LRRC71: variants seen among roughly 807,000 people sequenced by gnomAD.
LRRC71 encodes leucine rich repeat containing 71, also known as leucine-rich repeat-containing protein 71.
Under a neutral mutation model 66.6 loss-of-function variants are expected in LRRC71, and 54 were observed. The observed-to-expected ratio is 0.81, with a 90% CI of 0.65 to 1.02. LRRC71 has a LOEUF of 1.02. LRRC71 is among the 50% of genes least tolerant of loss of function. The probability of loss-of-function intolerance (pLI) is 0.00; values close to 1 mark genes in which losing one functional copy is unlikely to be tolerated. For missense variants in LRRC71, 724 were observed against 718.0 expected (o/e 1.01, Z -0.10); for synonymous variants, 323 against 303.9 (o/e 1.06, Z -0.65).
In LRRC71 at chr1:156,924,932, C is replaced by T. The variant is rs374031448; in HGVS notation, c.516-6C>T. ...TCTGTGTTTCTGCACTTCCCGCCCA[C>T]GACAGCTTGTGGAAGGTGGGGCTGA... On this transcript the variant is annotated splice_region_variant and splice_polypyrimidine_tract_variant and intron_variant, in intron 4 of 14. Coordinates refer to ENST00000337428, the MANE Select transcript of LRRC71 (RefSeq NM_144702.3). 3.9e-6 allele frequency: 6 copies of T among 1,551,664 alleles called. No homozygotes were observed. The East Asian group carries it at 1.5e-4, about 38-fold the overall frequency.
rs1408209635 is a variant in LRRC71 at position 156,929,158 on chromosome 1, G to C, written c.997-122G>C. 2.6e-6 allele frequency: 3 copies of C among 1,147,616 alleles called. No individual in the cohort carries two copies. The African/African-American group carries it at 4.7e-5, about 18-fold the overall frequency. 71.1% of individuals were successfully genotyped at this position (1,147,616 alleles called of 1,614,324 possible). A position where few individuals can be genotyped will look rare whatever the true frequency, so the allele number is the denominator to read the frequency against. On this transcript the variant is annotated intron_variant, in intron 9 of 14. Transcript: ENST00000337428. ...AATTATTTTAGCATTTAGGCAGGGA[G>C]GTGGGTGGGAGGGTGCTGTCAGCTC... is the stretch of plus-strand genomic sequence containing the variant.
chr1:156,927,706 G>A (rs1231429823), intron 7 of LRRC71, 27 bp from the exon 8 acceptor site: 16 of 1,605,724 alleles, frequency 1.0e-5, no homozygotes, highest in East Asian at 2.2e-5. Flanking sequence ...GGCTTGGGCG[G>A]CTCACGCGTC....
chr1:156,932,182 C>A, intron 13 of LRRC71, 155 bp downstream of exon 13: 1 of 703,554 alleles, frequency 1.4e-6, no homozygotes, highest in Non-Finnish European at 2.4e-6. Flanking sequence ...CTGGAGGGGC[C>A]AGAGGAAGTG....
intron 5 of LRRC71, among the ~76,000 whole-genome samples, chr1:156,926,196 C>G (rs1383164395): frequency 1.3e-5 from 2 of 152,176 alleles, no homozygotes; most frequent in Non-Finnish European, 2.9e-5. Context: ...CAAATTAACC[C>G]CAAGATTCAG....
chr1:156,926,252 T>C (rs561997087), intron 5 of LRRC71, among the ~76,000 whole-genome samples: 1 of 152,352 alleles, frequency 6.6e-6, no homozygotes, highest in Admixed American at 6.5e-5. Flanking sequence ...TGCTGTGAGA[T>C]GACCTGGGGG....
At chr1:156,938,324 G>T in the LRRC71 span, 11 of 1,148,514 alleles carry the variant, frequency 9.6e-6, no homozygotes, top group South Asian at 1.6e-4. Context: ...GCTTGTGGGT[G>T]TGTGTGTGAC....
At chr1:156,932,782 ATTT>A (rs11415803) in intron 14 of LRRC71, 68 bp from the exon 15 acceptor site, 8 of 1,179,944 alleles carry the variant, frequency 6.8e-6, no homozygotes, top group Non-Finnish European at 8.2e-6. Flanking sequence ...CCCCAGGACC[ATTT>A]TTTTTTTTCT....
chr1:156,930,905 C>CCCCAGAGG (rs1654267059), intron 12 of LRRC71, among the ~76,000 whole-genome samples: 3 of 152,236 alleles, frequency 2.0e-5, no homozygotes, highest in African/African-American at 7.2e-5. Flanking sequence ...CAGGCTACTT[C>CCCCAGAGG]CCCAGAGGCC....
At chr1:156,927,078 T>C in intron 5 of LRRC71, 124 bp from the exon 6 acceptor site, 2 of 774,204 alleles carry the variant, frequency 2.6e-6, no homozygotes, top group Non-Finnish European at 2.1e-6. Context: ...TTTCCTATAT[T>C]GGGGGGGCAA....
Position 156,929,498 on chromosome 1 carries a change from G to C in LRRC71, c.1146+69G>C, listed in dbSNP as rs186255976. Reference sequence around the variant, plus strand: ...GGAGGGGGCTTCCATCATGTACAGAGGTGGTGGAGGGAAGAAGGCCACATG... The same window carrying C: ...GGAGGGGGCTTCCATCATGTACAGACGTGGTGGAGGGAAGAAGGCCACATG... On this transcript the variant is annotated intron_variant, in intron 10 of 14. Coordinates refer to ENST00000337428, the MANE Select transcript of LRRC71 (RefSeq NM_144702.3). 6 of 1,598,074 alleles carry C rather than the reference G, an allele frequency of 3.8e-6. No homozygotes were observed. In the East Asian group the frequency reaches 1.1e-4, roughly 30 times the overall value.
chr1:156,924,964 A>G lies in LRRC71; in HGVS notation c.542A>G (p.Lys181Arg), dbSNP rs111472379. ...TTGTGGAAGGTGGGGCTGACCGATAAGACCCTGACCACCTTCATCGAGCTC... is the reference window on the plus strand; with the variant it reads ...TTGTGGAAGGTGGGGCTGACCGATAGGACCCTGACCACCTTCATCGAGCTC... ...INLWKVGLTDKTLTTFIELLP... is the reference protein window; with the variant it reads ...INLWKVGLTDRTLTTFIELLP... The change falls in exon 5 of 15, where the codon AAG (lysine) becomes AGG (arginine). Residue 181 changes from lysine (K) to arginine (R), a missense_variant. Physicochemically the swap from Lys to Arg is conservative, Grantham distance 26. Transcript: ENST00000337428. 11 of 1,551,670 alleles carry G rather than the reference A, an allele frequency of 7.1e-6. No individual in the cohort carries two copies. Among genetic ancestry groups the G allele is most frequent in the African/African-American group, 4.1e-5 (3 of 73,138 alleles).
the LRRC71 span, chr1:156,939,831 C>T: frequency 5.0e-6 from 8 of 1,613,164 alleles, no homozygotes; most frequent in South Asian, 7.7e-5. Context: ...TCAGGTCGTC[C>T]TCGGGCTCCT....
intron 12 of LRRC71, 107 bp downstream of exon 12, chr1:156,930,724 C>A: frequency 9.6e-7 from 1 of 1,037,186 alleles, no homozygotes; most frequent in Non-Finnish European, 1.4e-6. Flanking sequence ...CAGCCCCATG[C>A]TGTGGCAGCA....
chr1:156,938,396 G>A, the LRRC71 span: 3 of 1,609,246 alleles, frequency 1.9e-6, no homozygotes, highest in African/African-American at 1.3e-5. Context: ...CCTGTCTTTA[G>A]CTCCAAGGAG....
At chr1:156,929,524 G>A in intron 10 of LRRC71, 95 bp downstream of exon 10, 2 of 1,567,406 alleles carry the variant, frequency 1.3e-6, no homozygotes, top group Non-Finnish European at 1.7e-6. Context: ...AGGCCACATG[G>A]GCCTTTGAAG....
At chr1:156,930,099 C>CTTTT (rs5778012) in intron 11 of LRRC71, among the ~76,000 whole-genome samples, 25 of 113,140 alleles carry the variant, frequency 2.2e-4, no homozygotes, top group African/African-American at 6.4e-4. Flanking sequence ...CTTTCTCTCT[C>CTTTT]TTTTTTTTTT....
intron 5 of LRRC71, among the ~76,000 whole-genome samples, chr1:156,926,735 C>G (rs1653266508): frequency 6.6e-6 from 1 of 152,098 alleles, no homozygotes; most frequent in Non-Finnish European, 1.5e-5. Context: ...CCACCATGTC[C>G]CGCTAATTTT....
intron 11 of LRRC71, 44 bp downstream of exon 11, chr1:156,929,773 G>C (rs1017402965): frequency 6.0e-6 from 9 of 1,505,070 alleles, no homozygotes; most frequent in Middle Eastern, 2.0e-4. Context: ...GTGTGGAGGA[G>C]GGAAGAGTGC....
intron 11 of LRRC71, 101 bp downstream of exon 11, chr1:156,929,830 G>A (rs1210286951): frequency 2.1e-6 from 2 of 944,390 alleles, no homozygotes; most frequent in African/African-American, 1.7e-5. Flanking sequence ...CGCCTGCCTG[G>A]AGCTCATCTC....
Sources: allele counts gnomAD v4.1 joint callset (sites outside exome capture counted in the v4.1 genomes callset), GRCh38; gene constraint gnomAD v4.1.1; transcripts MANE v1.5; gene names NCBI Gene and HGNC (gene_info 2026-07-23, HGNC 2026-07-21).